UBAP2L: variants seen among roughly 807,000 people sequenced by gnomAD.
UBAP2L encodes the protein ubiquitin-associated protein 2-like.
UBAP2L carries 12 observed loss-of-function variants against 130.6 expected under a neutral mutation model. That is an observed-to-expected ratio of 0.09 (90% CI 0.06 to 0.15). UBAP2L has a LOEUF of 0.15. Among genes scored for constraint, UBAP2L ranks in the 10% least tolerant of loss-of-function variants. The probability of loss-of-function intolerance (pLI) is 1.00; values close to 1 mark genes in which losing one functional copy is unlikely to be tolerated. For missense variants in UBAP2L, 965 were observed against 1,332.5 expected, an observed-to-expected ratio of 0.72 and a Z score of 4.29; for synonymous variants, 503 against 524.7, an observed-to-expected ratio of 0.96 and a Z score of 0.57.
chr1:154,250,531 G>T (rs1469215890), intron 12 of UBAP2L, among the ~76,000 whole-genome samples: 1 of 152,094 alleles, frequency 6.6e-6, no homozygotes, highest in Non-Finnish European at 1.5e-5. Flanking sequence ...CACAGACAGG[G>T]TAATGTTGAT....
chr1:154,264,010 C>G (rs1242803138), intron 24 of UBAP2L, among the ~76,000 whole-genome samples: 1 of 152,204 alleles, frequency 6.6e-6, no homozygotes, highest in African/African-American at 2.4e-5. Context: ...TTCTTAGTCC[C>G]TTGATGGCTT....
intron 8 of UBAP2L, among the ~76,000 whole-genome samples, chr1:154,238,861 C>T (rs908687970): frequency 8.5e-5 from 13 of 152,110 alleles, no homozygotes; most frequent in African/African-American, 2.9e-4. Flanking sequence ...ATGTCTCAGC[C>T]TCCTGAGTAG....
At chr1:154,240,760 A>C (rs1673251938) in intron 8 of UBAP2L, among the ~76,000 whole-genome samples, 1 of 151,686 alleles carries the variant, frequency 6.6e-6, no homozygotes, top group African/African-American at 2.4e-5. Context: ...TTTCTCTATC[A>C]GTGCTACTAT....
In UBAP2L at chr1:154,268,972, TCTCTC is replaced by T; in HGVS notation, c.3168+21_3168+25del. 2 of 1,603,148 alleles carry T rather than the reference TCTCTC, an allele frequency of 1.2e-6. No individual in the cohort carries two copies. The highest frequency in any genetic ancestry group is 1.1e-5 in the South Asian group (1 of 90,652). On this transcript the variant is annotated intron_variant, in intron 26 of 26. Coordinates refer to ENST00000428931, the MANE Select transcript of UBAP2L (RefSeq NM_014847.4). Reference sequence around the variant, plus strand: ...ATGGCCAGGTAATAGCCCTTCCCCTTCTCTCCTTTCCCTTCCTCTTCCTTCCTATC... The same window carrying T: ...ATGGCCAGGTAATAGCCCTTCCCCTTCTTTCCCTTCCTCTTCCTTCCTATC...
chr1:154,269,385 C>G, intron 26 of UBAP2L: 1 of 1,316,046 alleles, frequency 7.6e-7, no homozygotes, highest in Non-Finnish European at 1.0e-6. Context: ...AGATGATTCT[C>G]TGTTGCCAGC....
Position 154,251,182 on chromosome 1 carries a change from C to G in UBAP2L, c.1355C>G (p.Pro452Arg). The part of the protein sequence containing the change: ...VATSTAAPPP[P>R]SSPLPSKSTS... ...ACCTCCACAGCTGCACCTCCACCTCCGTCTTCTCCTCTGCCAAGCAAATCC... is the reference window on the plus strand; with the variant it reads ...ACCTCCACAGCTGCACCTCCACCTCGGTCTTCTCCTCTGCCAAGCAAATCC... The change falls in exon 13 of 27, where the codon CCG becomes CGG. Residue 452 changes from proline (P) to arginine (R), a missense_variant. Coordinates refer to ENST00000428931, the MANE Select transcript of UBAP2L (RefSeq NM_014847.4). The G allele has an allele frequency of 1.2e-6, 2 of 1,614,166 alleles. No homozygotes were observed. Among genetic ancestry groups the G allele is most frequent in the South Asian group, 2.2e-5 (2 of 91,084 alleles).
chr1:154,261,486 A>T (rs1053066313), intron 23 of UBAP2L, 106 bp from the exon 24 acceptor site: 25 of 1,067,344 alleles, frequency 2.3e-5, no homozygotes, highest in Non-Finnish European at 3.6e-5. Context: ...GTCAACTTGC[A>T]TCAGGATAGG....
intron 1 of UBAP2L, among the ~76,000 whole-genome samples, chr1:154,222,652 C>T (rs947698712): frequency 2.6e-5 from 4 of 152,126 alleles, no homozygotes; most frequent in African/African-American, 9.7e-5. Context: ...ATTAGTTGTT[C>T]TGTTAGAGGT....
In UBAP2L at chr1:154,236,466, C is replaced by G. The variant is rs1043249083; in HGVS notation, c.545-100C>G. The G allele has an allele frequency of 1.9e-4, 250 of 1,292,802 alleles. 2 individuals are homozygous for G. Among genetic ancestry groups the G allele is most frequent in the Non-Finnish European group, 2.4e-4 (217 of 891,438 alleles). The allele number at this position is 1,292,802 out of a possible 1,614,324, so 80.1% of individuals were successfully genotyped here. A position where few individuals can be genotyped will look rare whatever the true frequency, so the allele number is the denominator to read the frequency against. ...CGCCCGCCCTCAGCCTTTCAAAGTG[C>G]TGGGATTACCACCGGGAGCCACTGT... On this transcript the variant is annotated intron_variant, in intron 6 of 26. Transcript: ENST00000428931.
intron 1 of UBAP2L, among the ~76,000 whole-genome samples, chr1:154,223,957 C>T (rs1210877668): frequency 6.6e-6 from 1 of 152,166 alleles, no homozygotes; most frequent in Non-Finnish European, 1.5e-5. Context: ...AACTTACCCT[C>T]TTTGGAAGGG....
chr1:154,237,091 A>G lies in UBAP2L; in HGVS notation c.658A>G (p.Asn220Asp). ...TGATAACTATGGCAATAGCAGCGGCAATACGTGGAACAACACTGGCCACTT... is the reference window on the plus strand; with the variant it reads ...TGATAACTATGGCAATAGCAGCGGCGATACGTGGAACAACACTGGCCACTT... ...TDDNYGNSSG[N>D]TWNNTGHFEP... The change falls in exon 8 of 27, where the codon AAT becomes GAT. Residue 220 changes from asparagine (N) to aspartate (D), a missense_variant. Asn to Asp is a conservative substitution (Grantham distance 23, BLOSUM62 1). Around this residue, in one of 9 missense-constraint regions of UBAP2L, gnomAD observed 109 missense variants for 146.6 expected, o/e 0.74. Transcript: ENST00000428931. 6.2e-7 allele frequency: 1 copy of G among 1,614,194 alleles called. No homozygotes were observed. Among genetic ancestry groups the G allele is most frequent in the Non-Finnish European group, 8.5e-7 (1 of 1,180,030 alleles).
intron 15 of UBAP2L, 159 bp from the exon 16 acceptor site, chr1:154,254,677 T>C (rs899455109): frequency 1.3e-6 from 1 of 795,818 alleles, no homozygotes. Flanking sequence ...TTTTGGTTTT[T>C]TGGATAGTCT....
chr1:154,222,941 C>T (rs1666756516), intron 1 of UBAP2L, among the ~76,000 whole-genome samples: 1 of 152,170 alleles, frequency 6.6e-6, no homozygotes, highest in Non-Finnish European at 1.5e-5. Flanking sequence ...TCCAATACTT[C>T]TCACCCTACT....
chr1:154,232,104 G>A (rs944247122), intron 4 of UBAP2L, among the ~76,000 whole-genome samples: 8 of 151,944 alleles, frequency 5.3e-5, no homozygotes, highest in South Asian at 2.1e-4. Flanking sequence ...CATGGCGGGC[G>A]GATCACGAGG....
intron 10 of UBAP2L, among the ~76,000 whole-genome samples, chr1:154,243,815 T>C (rs557551153): frequency 2.6e-5 from 4 of 152,342 alleles, no homozygotes; most frequent in South Asian, 2.1e-4. Flanking sequence ...GAAGTTGATA[T>C]GTTACAATTT....
upstream of UBAP2L, chr1:154,220,742 C>G (rs1195791351): frequency 6.2e-6 from 2 of 323,096 alleles, no homozygotes; most frequent in Non-Finnish European, 5.8e-6. Context: ...GTGAAGGAGG[C>G]GGGGTGGACT....
chr1:154,232,268 G>C (rs1318482988), intron 4 of UBAP2L, among the ~76,000 whole-genome samples: 1 of 151,048 alleles, frequency 6.6e-6, no homozygotes, highest in Non-Finnish European at 1.5e-5. Flanking sequence ...AGGTTGCAGT[G>C]AGCCGAGATC....
intron 26 of UBAP2L, 21 bp downstream of exon 26, chr1:154,268,975 C>CTCCTT (rs775368426): frequency 6.2e-7 from 1 of 1,612,512 alleles, no homozygotes; most frequent in Non-Finnish European, 8.5e-7. Flanking sequence ...TTCCCCTTCT[C>CTCCTT]TCCTTTCCCT....
intron 18 of UBAP2L, among the ~76,000 whole-genome samples, chr1:154,256,795 C>G (rs1332563598): frequency 6.6e-6 from 1 of 152,178 alleles, no homozygotes; most frequent in African/African-American, 2.4e-5. Context: ...GGGAATCTGT[C>G]TCCATTTGCT....
Sources: allele counts gnomAD v4.1 joint callset (sites outside exome capture counted in the v4.1 genomes callset), GRCh38; gene constraint gnomAD v4.1.1; regional missense constraint gnomAD v4.1.1; transcripts MANE v1.5; gene names NCBI Gene and HGNC (gene_info 2026-07-23, HGNC 2026-07-21).